TMEM175: variants seen among roughly 807,000 people sequenced by gnomAD.
TMEM175 encodes the protein endosomal/lysosomal proton channel TMEM175.
TMEM175 carries 36 observed loss-of-function variants against 36.5 expected under a neutral mutation model. The ratio of observed to expected loss-of-function variants is 0.99; its 90% CI spans 0.76 to 1.30. The LOEUF is 1.30. TMEM175 is among the 50% of genes most tolerant of loss of function. TMEM175 has a pLI of 0.00. For synonymous variants in TMEM175, 339 were observed against 313.4 expected (o/e 1.08, Z -0.86); for missense variants, 705 against 692.8 (o/e 1.02, Z -0.20).
intron 5 of TMEM175, 119 bp downstream of exon 5, chr4:951,377 A>G: frequency 1.8e-5 from 22 of 1,193,094 alleles, no homozygotes; most frequent in Non-Finnish European, 2.6e-5. Context: ...CGGAGCCTGG[A>G]ATCTGTCCAC....
chr4:951,084 A>G, intron 4 of TMEM175, 123 bp from the exon 5 acceptor site: 2 of 983,402 alleles, frequency 2.0e-6, no homozygotes, highest in Non-Finnish European at 3.2e-6. Flanking sequence ...GTAGTAGTTT[A>G]TATTTGGTTA....
intron 1 of TMEM175, chr4:946,008 C>T (rs1728095553): frequency 1.3e-5 from 2 of 152,414 alleles, no homozygotes; most frequent in African/African-American, 4.8e-5. Flanking sequence ...GCTCCCCTGC[C>T]CTGAGACAGC....
In TMEM175 at chr4:932,676, C is replaced by A; in HGVS notation, c.-32+136C>A. The A allele has an allele frequency of 3.3e-6, 1 of 299,032 alleles. No homozygotes were observed. The highest frequency in any genetic ancestry group is 5.4e-5 in the East Asian group (1 of 18,460). 18.5% of individuals were successfully genotyped at this position (299,032 alleles called of 1,614,324 possible). On this transcript the variant is annotated intron_variant, in intron 1 of 10. Transcript: ENST00000264771. The surrounding 1 kb of genome is among the most constrained non-coding windows in gnomAD (Gnocchi z 4.0). Reference sequence around the variant, plus strand: ...GAGTCAGCCTCCCGTTTGCTGTTAGCGCCGCGTTTGCGAATGGGTTCGCGA... The same window carrying A: ...GAGTCAGCCTCCCGTTTGCTGTTAGAGCCGCGTTTGCGAATGGGTTCGCGA...
chr4:956,398 G>C (rs1243709090), intron 10 of TMEM175: 5 of 1,289,712 alleles, frequency 3.9e-6, no homozygotes, highest in Non-Finnish European at 4.0e-6. Flanking sequence ...TCGTCTGTTA[G>C]AGCGCGCGTC....
In TMEM175 at chr4:935,462, TTCATCGAAAAGACTTGATAA is replaced by T. The variant is rs559153974; in HGVS notation, c.-32+2925_-32+2944del. Among the ~76,000 whole-genome samples the T allele has an allele frequency of 2.0e-3, 306 of 152,316 alleles. 13 individuals are homozygous for T. The South Asian group carries it at 0.059, about 29-fold the overall frequency. ...CATTTTGTAATGAAGAAGGGGTGAA[TTCATCGAAAAGACTTGATAA>T]TCCTAAACATTTATGCACCTAATAA... On this transcript the variant is annotated intron_variant, in intron 1 of 10. Coordinates refer to ENST00000264771, the MANE Select transcript of TMEM175 (RefSeq NM_032326.4).
intron 1 of TMEM175, among the ~76,000 whole-genome samples, chr4:937,039 G>A (rs538926842): frequency 2.1e-4 from 32 of 151,842 alleles, no homozygotes; most frequent in African/African-American, 7.5e-4. Context: ...AACATACTTT[G>A]TGTTATCTAA....
At chr4:951,807 C>A in intron 6 of TMEM175, 90 bp downstream of exon 6, 1 of 1,376,312 alleles carries the variant, frequency 7.3e-7, no homozygotes, top group Non-Finnish European at 1.0e-6. Flanking sequence ...CTGGATGGCC[C>A]AGGGCCCAGG....
Position 947,753 on chromosome 4 carries a change from G to A in TMEM175, c.14G>A (p.Arg5Gln), listed in dbSNP as rs140775030. ...AGCGGCCCCGCCATGTCCCAGCCCCGGACCCCAGAGCAGGCACTGGATACA... is the reference window on the plus strand; with the variant it reads ...AGCGGCCCCGCCATGTCCCAGCCCCAGACCCCAGAGCAGGCACTGGATACA... MSQP[R>Q]TPEQALDTPG... Residue 5 changes from arginine (R) to glutamine (Q), a missense_variant, in exon 2 of 11, where the codon CGG becomes CAG. Transcript: ENST00000264771. The A allele has an allele frequency of 3.9e-5, 63 of 1,608,322 alleles. No homozygotes were observed. The highest frequency in any genetic ancestry group is 2.2e-4 in the East Asian group (10 of 44,806).
intron 1 of TMEM175, among the ~76,000 whole-genome samples, chr4:947,444 T>A (rs1241883561): frequency 1.3e-5 from 2 of 152,172 alleles, no homozygotes; most frequent in Non-Finnish European, 2.9e-5. Flanking sequence ...TCCCGTTTCC[T>A]GAGGAGAAAC....
In TMEM175 at chr4:951,662, G is replaced by A; in HGVS notation, c.343-20G>A. On this transcript the variant is annotated intron_variant, in intron 5 of 10. Transcript: ENST00000264771. ...TCTCCCCAGGCCGCATCATGGCTGT[G>A]ATGCCCTCCCTCCCTCCAGGCCTGC... is the stretch of plus-strand genomic sequence containing the variant. 6.2e-7 allele frequency: 1 copy of A among 1,613,994 alleles called. No homozygotes were observed. Among genetic ancestry groups the A allele is most frequent in the South Asian group, 1.1e-5 (1 of 91,066 alleles).
intron 6 of TMEM175, 95 bp downstream of exon 6, chr4:951,812 C>A (rs1157445738): frequency 4.5e-6 from 6 of 1,324,006 alleles, no homozygotes; most frequent in East Asian, 4.6e-5. Flanking sequence ...TGGCCCAGGG[C>A]CCAGGCCACA....
chr4:955,270 G>A, intron 8 of TMEM175, 135 bp from the exon 9 acceptor site: 1 of 661,866 alleles, frequency 1.5e-6, no homozygotes, highest in South Asian at 1.8e-5. Flanking sequence ...TTGGGTACTA[G>A]GCCCCATCAG....
At chr4:952,317 C>A in intron 6 of TMEM175, 50 bp from the exon 7 acceptor site, 2 of 1,547,000 alleles carry the variant, frequency 1.3e-6, no homozygotes, top group Non-Finnish European at 1.8e-6. Context: ...GGCTCTGGGG[C>A]CTGGTAACCT....
chr4:948,280 G>C (rs755083041), intron 3 of TMEM175, 126 bp downstream of exon 3: 2 of 1,583,660 alleles, frequency 1.3e-6, no homozygotes, highest in Non-Finnish European at 1.7e-6. Flanking sequence ...AGGCAGAGGC[G>C]GGAGGCGGGG....
At chr4:938,388 C>G (rs1727049587) in intron 1 of TMEM175, among the ~76,000 whole-genome samples, 1 of 152,120 alleles carries the variant, frequency 6.6e-6, no homozygotes, top group South Asian at 2.1e-4. Flanking sequence ...CCTGTAATCC[C>G]AGCCACTCAG....
chr4:940,863 A>G (rs1262373703), intron 1 of TMEM175, among the ~76,000 whole-genome samples: 1 of 150,392 alleles, frequency 6.6e-6, no homozygotes, highest in Non-Finnish European at 1.5e-5. Flanking sequence ...AAAATTAGCC[A>G]GGCGTGGTGG....
intron 10 of TMEM175, among the ~76,000 whole-genome samples, chr4:957,131 GC>G (rs993096138): frequency 1.3e-5 from 2 of 152,194 alleles, no homozygotes; most frequent in Admixed American, 6.5e-5. Context: ...GCAACTTCCT[GC>G]CCTTGCTGCC....
Position 951,187 on chromosome 4 carries a change from C to T in TMEM175, c.291-20C>T, listed in dbSNP as rs953903737. The T allele has an allele frequency of 1.2e-6, 2 of 1,613,110 alleles. No homozygotes were observed. Among genetic ancestry groups the T allele is most frequent in the East Asian group, 4.5e-5 (2 of 44,850 alleles). On this transcript the variant is annotated intron_variant, in intron 4 of 10. Coordinates refer to ENST00000264771, the MANE Select transcript of TMEM175 (RefSeq NM_032326.4). ...ACTACAACCGCGTTTTATTGTCTATCTTTTTCTTAAATGGTTTAGGTTGTT... is the reference window on the plus strand; with the variant it reads ...ACTACAACCGCGTTTTATTGTCTATTTTTTTCTTAAATGGTTTAGGTTGTT...
At chr4:953,441 T>C in intron 8 of TMEM175, 87 bp downstream of exon 8, 1 of 1,465,744 alleles carries the variant, frequency 6.8e-7, no homozygotes, top group South Asian at 1.3e-5. Context: ...AACACGGGGG[T>C]GGGGGCAGAG....
Sources: gnomAD v4.1 joint callset for allele counts (sites outside exome capture counted in the v4.1 genomes callset) on GRCh38, gnomAD v4.1.1 for gene constraint, Gnocchi (gnomAD v3.1) non-coding constraint, MANE v1.5 for transcripts, NCBI Gene and HGNC (gene_info 2026-07-23, HGNC 2026-07-21) for gene names.